Variants in KIF26B observed in about 807,000 individuals in gnomAD.
KIF26B encodes kinesin family member 26B.
KIF26B carries 63 observed loss-of-function variants against 151.2 expected under a neutral mutation model. That is an observed-to-expected ratio of 0.42 (90% CI 0.34 to 0.51). The LOEUF is 0.51. Ranked by LOEUF, KIF26B falls within the 20% of genes least tolerant of loss-of-function variation. The pLI is 0.07. For synonymous variants in KIF26B, 1,357 were observed against 1,262.1 expected (o/e 1.08, Z -1.59); for missense variants, 2,813 against 2,913.6 (o/e 0.97, Z 0.79).
intron 2 of KIF26B, among the ~76,000 whole-genome samples, chr1:245,245,910 A>G (rs1235776957): frequency 1.4e-5 from 2 of 143,548 alleles, no homozygotes; most frequent in African/African-American, 2.6e-5. Flanking sequence ...TGGGTGACAG[A>G]GTAAGACTCC....
intron 4 of KIF26B, among the ~76,000 whole-genome samples, chr1:245,535,179 C>G (rs1453859516): frequency 6.6e-6 from 1 of 152,112 alleles, no homozygotes; most frequent in Non-Finnish European, 1.5e-5. Context: ...ACCTTCTCTT[C>G]TCTGTGTCAT....
In KIF26B at chr1:245,600,091, T is replaced by G. The variant is rs1381487845; in HGVS notation, c.1351-2486T>G. ...TTCACTCTTGTTGCCCAGGCTGGAGTGTAATGGCGTGATCTTGGCTCACCA... is the reference window on the plus strand; with the variant it reads ...TTCACTCTTGTTGCCCAGGCTGGAGGGTAATGGCGTGATCTTGGCTCACCA... On this transcript the variant is annotated intron_variant, in intron 5 of 14. Transcript: ENST00000407071. Among the ~76,000 whole-genome samples, 2 of 147,374 alleles carry G rather than the reference T, an allele frequency of 1.4e-5. 1 individual carries two copies. Among genetic ancestry groups the G allele is most frequent in the Non-Finnish European group, 3.0e-5 (2 of 66,896 alleles).
chr1:245,586,007 T>G (rs1373704123), intron 5 of KIF26B, among the ~76,000 whole-genome samples: 4 of 151,778 alleles, frequency 2.6e-5, no homozygotes, highest in South Asian at 2.1e-4. Flanking sequence ...TTTTTTAATG[T>G]TTTTAGAGAC....
chr1:245,396,800 T>C (rs924288071), intron 3 of KIF26B, among the ~76,000 whole-genome samples: 2 of 152,224 alleles, frequency 1.3e-5, no homozygotes, highest in African/African-American at 4.8e-5. Flanking sequence ...GGACTAACCT[T>C]GTCTCTCCTA....
In KIF26B at chr1:245,184,047, G is replaced by GTTTTTTTTTTTTTTTTT. The variant is rs1469137088; in HGVS notation, c.465+27366_465+27367insTTTTTTTTTTTTTTTTT. Among the ~76,000 whole-genome samples the GTTTTTTTTTTTTTTTTT allele has an allele frequency of 6.9e-3, 64 of 9,232 alleles. 5 individuals are homozygous for GTTTTTTTTTTTTTTTTT. Among genetic ancestry groups the GTTTTTTTTTTTTTTTTT allele is most frequent in the Admixed American group, 9.4e-3 (5 of 530 alleles). 6.1% of individuals were successfully genotyped at this position (9,232 alleles called of 152,430 possible). On this transcript the variant is annotated intron_variant, in intron 2 of 14. Coordinates refer to ENST00000407071, the MANE Select transcript of KIF26B (RefSeq NM_018012.4). ...CCTGCAACAGGTATGGGTGGGAGTT[G>GTTTTTTTTTTTTTTTTT]TTGTTTTTTTTTTTTTTTTTTTGAG...
At chr1:245,362,327 G>C (rs1672840406) in intron 2 of KIF26B, among the ~76,000 whole-genome samples, 1 of 131,728 alleles carries the variant, frequency 7.6e-6, no homozygotes, top group Non-Finnish European at 1.6e-5. Context: ...AAGAGATCAA[G>C]ACCATCCTGG....
At chr1:245,292,123 C>G (rs921030230) in intron 2 of KIF26B, among the ~76,000 whole-genome samples, 2 of 152,198 alleles carry the variant, frequency 1.3e-5, no homozygotes, top group African/African-American at 4.8e-5. Context: ...CATTCTCCAC[C>G]ATCAAAACAC....
intron 4 of KIF26B, among the ~76,000 whole-genome samples, chr1:245,534,780 C>T (rs1453405823): frequency 7.1e-6 from 1 of 141,626 alleles, no homozygotes; most frequent in Non-Finnish European, 1.5e-5. Context: ...AATGTCTTTA[C>T]CTTTTCTTTT....
At chr1:245,380,955 GAAAA>G (rs35477111) in intron 3 of KIF26B, among the ~76,000 whole-genome samples, 10 of 77,930 alleles carry the variant, frequency 1.3e-4, no homozygotes, top group African/African-American at 4.0e-4. Flanking sequence ...CCAAAAAGAT[GAAAA>G]AAAAAAAAAA....
At chr1:245,689,381 G>T (rs2044591505) in intron 12 of KIF26B, among the ~76,000 whole-genome samples, 1 of 152,182 alleles carries the variant, frequency 6.6e-6, no homozygotes, top group African/African-American at 2.4e-5. Context: ...TCTCAGGGAT[G>T]TGGGATAACG....
chr1:245,663,734 C>A (rs1482123182), intron 10 of KIF26B, among the ~76,000 whole-genome samples: 1 of 151,992 alleles, frequency 6.6e-6, no homozygotes, highest in Non-Finnish European at 1.5e-5. Context: ...AGCGTGCAAA[C>A]CTGCATGTAA....
chr1:245,391,453 T>G (rs1013476262), intron 3 of KIF26B, among the ~76,000 whole-genome samples: 1 of 152,124 alleles, frequency 6.6e-6, no homozygotes, highest in Admixed American at 6.5e-5. Context: ...AAACCACATA[T>G]CCAGACATAA....
At chr1:245,196,231 C>G (rs1019420767) in intron 2 of KIF26B, among the ~76,000 whole-genome samples, 7 of 152,284 alleles carry the variant, frequency 4.6e-5, no homozygotes, top group African/African-American at 1.4e-4. Flanking sequence ...CTCCCAGCAG[C>G]TACTCTGTGG....
intron 9 of KIF26B, among the ~76,000 whole-genome samples, chr1:245,634,130 A>G (rs951879501): frequency 6.6e-6 from 1 of 152,234 alleles, no homozygotes; most frequent in Non-Finnish European, 1.5e-5. Context: ...TTTAATTTCT[A>G]ATTGTTTGTT....
rs530884884 is a variant in KIF26B, at chr1:245,463,444, G to A, written c.1166+43699G>A. Among the ~76,000 whole-genome samples the A allele has an allele frequency of 3.3e-5, 5 of 152,274 alleles. No individual in the cohort carries two copies. In the South Asian group the frequency reaches 6.2e-4, roughly 19 times the overall value. Reference sequence around the variant, plus strand: ...TTGTGTCTCCCCTGGATATACATCCGTACCATGACGGGTTTTCTTTTTTCC... The same window carrying A: ...TTGTGTCTCCCCTGGATATACATCCATACCATGACGGGTTTTCTTTTTTCC... On this transcript the variant is annotated intron_variant, in intron 4 of 14. Transcript: ENST00000407071.
chr1:245,627,514 C>T (rs12569130), intron 9 of KIF26B, among the ~76,000 whole-genome samples: 34,321 of 151,966 alleles, frequency 0.23, 4,113 homozygotes, highest in East Asian at 0.38. Context: ...TAGCACTAAA[C>T]GCCCACATCA....
intron 2 of KIF26B, among the ~76,000 whole-genome samples, chr1:245,363,443 A>G (rs1672868594): frequency 6.6e-6 from 1 of 152,006 alleles, no homozygotes; most frequent in African/African-American, 2.4e-5. Flanking sequence ...TAATCCACCC[A>G]CCTCAGCCTC....
chr1:245,691,976 T>C (rs1187538711), intron 12 of KIF26B, among the ~76,000 whole-genome samples: 1 of 152,206 alleles, frequency 6.6e-6, no homozygotes, highest in African/African-American at 2.4e-5. Context: ...CTTTGGGGAA[T>C]AACTGTCCTC....
intron 4 of KIF26B, among the ~76,000 whole-genome samples, chr1:245,520,358 CAG>C (rs1661064627): frequency 6.6e-6 from 1 of 152,168 alleles, no homozygotes; most frequent in African/African-American, 2.4e-5. Flanking sequence ...ATGTTGGACA[CAG>C]ACTAATGATA....
Sources: gnomAD v4.1 joint callset for allele counts (sites outside exome capture counted in the v4.1 genomes callset) on GRCh38, gnomAD v4.1.1 for gene constraint, MANE v1.5 for transcripts, NCBI Gene and HGNC (gene_info 2026-07-23, HGNC 2026-07-21) for gene names.